Variants in SLC38A10 observed in about 807,000 individuals in gnomAD.
SLC38A10 encodes the protein solute carrier family 38 member 10.
Under a neutral mutation model 81.0 loss-of-function variants are expected in SLC38A10, and 53 were observed. The observed-to-expected ratio is 0.65, with a 90% confidence interval of 0.53 to 0.82. The LOEUF is 0.82. Among genes scored for constraint, SLC38A10 ranks in the 40% least tolerant of loss-of-function variants. The pLI, the probability that SLC38A10 is intolerant of heterozygous loss-of-function variation, is 0.00. For missense variants in SLC38A10, 1,471 were observed against 1,545.0 expected (o/e 0.95, Z 0.80); for synonymous variants, 665 against 655.3 (o/e 1.01, Z -0.23).
intron 2 of SLC38A10, among the ~76,000 whole-genome samples, chr17:81,285,955 T>C (rs932306174): frequency 6.6e-6 from 1 of 152,170 alleles, no homozygotes; most frequent in Non-Finnish European, 1.5e-5. Context: ...TGGCCTTTCC[T>C]GGACCTGCCT....
chr17:81,293,878 T>C (rs1434585825), intron 1 of SLC38A10, among the ~76,000 whole-genome samples: 1 of 152,222 alleles, frequency 6.6e-6, no homozygotes, highest in Non-Finnish European at 1.5e-5. Flanking sequence ...TTGTTTATTG[T>C]AGATTAAACA....
At chr17:81,275,838 G>T (rs142356678) in intron 8 of SLC38A10, 131 bp downstream of exon 8, 1 of 1,060,204 alleles carries the variant, frequency 9.4e-7, no homozygotes, top group Non-Finnish European at 1.3e-6. Flanking sequence ...CCCAACTTCC[G>T]CCCTCCCGGG....
chr17:81,280,173 G>A (rs2063197711), intron 6 of SLC38A10: 1 of 453,912 alleles, frequency 2.2e-6, no homozygotes, highest in Non-Finnish European at 4.4e-6. Flanking sequence ...GCGTGCCAGA[G>A]AGAAAGCAGG....
At position 81,252,323 on chromosome 17, in the gene SLC38A10, C is replaced by A; in HGVS notation, c.1817G>T (p.Arg606Leu). The change falls in exon 13 of 16, where the codon CGG becomes CTG. Residue 606 changes from arginine (R) to leucine (L), a missense_variant. Coordinates refer to ENST00000374759, the MANE Select transcript of SLC38A10 (RefSeq NM_001037984.3). ...LGPGDRGLHP[R>L]PQAVLSEQQN... is the part of the protein sequence containing the mutation. ...CTGCTCAGACAGCACTGCCTGGGGCCGAGGATGCAGGCCCCTGTCTCCTGG... is the reference window on the plus strand; with the variant it reads ...CTGCTCAGACAGCACTGCCTGGGGCAGAGGATGCAGGCCCCTGTCTCCTGG... 2 of 1,612,672 alleles carry A rather than the reference C, an allele frequency of 1.2e-6. No individual in the cohort carries two copies. Among genetic ancestry groups the A allele is most frequent in the Non-Finnish European group, 1.7e-6 (2 of 1,179,744 alleles).
chr17:81,278,626 C>T (rs1420766868), intron 6 of SLC38A10, among the ~76,000 whole-genome samples: 1 of 152,168 alleles, frequency 6.6e-6, no homozygotes, highest in Non-Finnish European at 1.5e-5. Context: ...AGGAGAAACA[C>T]CCAAGAGGTC....
At chr17:81,248,805 TG>T (rs1254071739) in intron 14 of SLC38A10, among the ~76,000 whole-genome samples, 1 of 152,050 alleles carries the variant, frequency 6.6e-6, no homozygotes, top group Non-Finnish European at 1.5e-5. Context: ...CCCCTGGATG[TG>T]GGGGACAGGG....
chr17:81,261,669 G>A (rs2063024914), intron 10 of SLC38A10, among the ~76,000 whole-genome samples: 1 of 152,208 alleles, frequency 6.6e-6, no homozygotes, highest in Admixed American at 6.5e-5. Context: ...CTGCCACCCG[G>A]AAACATTGGG....
Position 81,276,198 on chromosome 17 carries a change from C to A in SLC38A10, c.730-47G>T. ...CAACGTGGCAGACAGACATCCTAGC[C>A]GAGTGGCACCTGTCACAGTGGGCAG... On this transcript the variant is annotated intron_variant, in intron 7 of 15. Transcript: ENST00000374759. This position sits in a 1 kb window ranked among gnomAD's most constrained non-coding sequence, Gnocchi z 4.7. 2 of 1,523,130 alleles carry A rather than the reference C, an allele frequency of 1.3e-6. No individual in the cohort carries two copies. Among genetic ancestry groups the A allele is most frequent in the South Asian group, 1.3e-5 (1 of 79,928 alleles). The allele number at this position is 1,523,130 out of a possible 1,614,324, so 94.4% of individuals were successfully genotyped here.
At position 81,294,731 on chromosome 17, in the gene SLC38A10, G is replaced by A. The variant is rs1272285130; in HGVS notation, c.99+92C>T. 4.1e-6 allele frequency: 5 copies of A among 1,211,820 alleles called. No individual in the cohort carries two copies. The East Asian group carries it at 1.6e-4, about 38-fold the overall frequency. The allele number at this position is 1,211,820 out of a possible 1,614,324, so 75.1% of individuals were successfully genotyped here. ...GCCTGCACCCGCCCAGCGAAGCCCT[G>A]CCCCGGCGGGAACTTTAACCAGGAC... On this transcript the variant is annotated intron_variant, in intron 1 of 15. Transcript: ENST00000374759.
In SLC38A10 at chr17:81,245,773, T is replaced by C. The variant is rs372814051; in HGVS notation, c.3143A>G (p.Asp1048Gly). 1.9e-6 allele frequency: 3 copies of C among 1,597,388 alleles called. No individual in the cohort carries two copies. The Admixed American group carries it at 5.0e-5, about 27-fold the overall frequency. Residue 1048 changes from aspartate to glycine, a missense_variant, in exon 16 of 16, where the codon GAC (aspartate) becomes GGC (glycine). Around this residue, in one of 2 missense-constraint regions of SLC38A10, gnomAD observed 751 missense variants for 717.4 expected, o/e 1.05. Coordinates refer to ENST00000374759, the MANE Select transcript of SLC38A10 (RefSeq NM_001037984.3). ...NRDLKLQAGS[D>G]LRRRRRDLGP... is the part of the protein sequence containing the mutation. ...AAGGTCCCGCCGTCGCCTCCGGAGG[T>C]CGGAGCCAGCCTGCAGTTTCAGGTC... is the stretch of plus-strand genomic sequence containing the variant.
intron 10 of SLC38A10, among the ~76,000 whole-genome samples, chr17:81,260,844 G>A (rs2063016439): frequency 6.6e-6 from 1 of 152,236 alleles, no homozygotes; most frequent in Admixed American, 6.5e-5. Flanking sequence ...ACCTGCCTGG[G>A]AGAGGAACAG....
At chr17:81,255,523 C>A (rs796605792) in intron 11 of SLC38A10, among the ~76,000 whole-genome samples, 53 of 152,328 alleles carry the variant, frequency 3.5e-4, no homozygotes, top group African/African-American at 1.2e-3. Flanking sequence ...CGACTGAGCT[C>A]CTCGGGAGGG....
chr17:81,282,846 C>T (rs965571879), intron 4 of SLC38A10, among the ~76,000 whole-genome samples: 7 of 152,218 alleles, frequency 4.6e-5, no homozygotes, highest in Non-Finnish European at 1.0e-4. Context: ...AGAGGACACC[C>T]CCGCCTCAGT....
chr17:81,272,406 A>G, intron 9 of SLC38A10, 110 bp downstream of exon 9: 1 of 555,394 alleles, frequency 1.8e-6, no homozygotes, highest in Non-Finnish European at 3.0e-6. Context: ...GACTTTTTTA[A>G]GAGACCAGAG....
chr17:81,268,206 C>T (rs964354292), intron 10 of SLC38A10, among the ~76,000 whole-genome samples: 1 of 151,940 alleles, frequency 6.6e-6, no homozygotes, highest in African/African-American at 2.4e-5. Flanking sequence ...CAACTGAAAA[C>T]ACATTTGCCT....
Position 81,276,172 on chromosome 17 carries a change from G to T in SLC38A10, c.730-21C>A. The T allele has an allele frequency of 6.3e-7, 1 of 1,590,684 alleles. No individual in the cohort carries two copies. Reference sequence around the variant, plus strand: ...CCCACCTGTTGGAGAATAAGAAATGGCAACGTGGCAGACAGACATCCTAGC... The same window carrying T: ...CCCACCTGTTGGAGAATAAGAAATGTCAACGTGGCAGACAGACATCCTAGC... On this transcript the variant is annotated intron_variant, in intron 7 of 15. Transcript: ENST00000374759. This position sits in a 1 kb window ranked among gnomAD's most constrained non-coding sequence, Gnocchi z 4.7.
At chr17:81,280,846 C>T in intron 5 of SLC38A10, 113 bp from the exon 6 acceptor site, 1 of 1,410,462 alleles carries the variant, frequency 7.1e-7, no homozygotes, top group Non-Finnish European at 9.4e-7. Context: ...CTCTTCCCAC[C>T]CACATCCCAG....
Position 81,246,022 on chromosome 17 carries a change from G to C in SLC38A10, c.2894C>G (p.Ser965Cys). 1 of 1,610,528 alleles carries C rather than the reference G, an allele frequency of 6.2e-7. No homozygotes were observed. Among genetic ancestry groups the C allele is most frequent in the South Asian group, 1.1e-5 (1 of 90,862 alleles). Residue 965 changes from serine to cysteine, a missense_variant, in exon 16 of 16, where the codon TCT becomes TGT. By Grantham distance (112) the Ser-to-Cys change is moderately radical. Transcript: ENST00000374759. ...CTGCTGTCCACCCTGCTCGCCATCA[G>C]AGATGACCCGCAGTTCCGGCTGGCG... ...VLRQPELRVISDGEQGGQQGH... is the reference protein window; with the variant it reads ...VLRQPELRVICDGEQGGQQGH...
chr17:81,270,556 G>T lies in SLC38A10; in HGVS notation c.1131+362C>A, dbSNP rs9891634. On this transcript the variant is annotated intron_variant, in intron 10 of 15. Coordinates refer to ENST00000374759, the MANE Select transcript of SLC38A10 (RefSeq NM_001037984.3). The surrounding 1 kb of genome is among the most constrained non-coding windows in gnomAD (Gnocchi z 4.0). ...GTGGGAGGGTCGCACCAGGAACAAC[G>T]GTGGGTGGTGGCCTCAGGGGTGGGC... Among the ~76,000 whole-genome samples the T allele has an allele frequency of 2.3e-4, 35 of 152,238 alleles. No individual in the cohort carries two copies. Among genetic ancestry groups the T allele is most frequent in the African/African-American group, 7.9e-4 (33 of 41,528 alleles).
Sources: allele counts gnomAD v4.1 joint callset (sites outside exome capture counted in the v4.1 genomes callset), GRCh38; gene constraint gnomAD v4.1.1; regional missense constraint gnomAD v4.1.1; non-coding constraint Gnocchi (gnomAD v3.1); transcripts MANE v1.5; gene names NCBI Gene and HGNC (gene_info 2026-07-23, HGNC 2026-07-21).